Variants in TOP1 observed in about 807,000 individuals in gnomAD.
The protein encoded by TOP1 is DNA topoisomerase 1.
In TOP1, 10 loss-of-function variants were observed where a neutral mutation model predicts 111.1. That is an observed-to-expected ratio of 0.09 (90% CI 0.06 to 0.15). The LOEUF (loss-of-function observed/expected upper bound fraction) is 0.15. Ranked by LOEUF, TOP1 falls within the 10% of genes least tolerant of loss-of-function variation. TOP1 has a pLI of 1.00. For synonymous variants in TOP1, 271 were observed against 302.9 expected, an observed-to-expected ratio of 0.89 and a Z score of 1.10; for missense variants, 474 against 926.7, an observed-to-expected ratio of 0.51 and a Z score of 6.34.
At chr20:41,084,388 A>G (rs928452682) in intron 7 of TOP1, 74 bp from the exon 8 acceptor site, 6 of 836,150 alleles carry the variant, frequency 7.2e-6, no homozygotes, top group African/African-American at 6.9e-5. Context: ...TTTCTTCCTC[A>G]TGGCTCCCAA....
rs1018843694 is a variant in TOP1 at position 41,095,277 on chromosome 20, G to A, written c.731-1943G>A. 5.9e-5 allele frequency among the ~76,000 whole-genome samples: 9 copies of A among 152,254 alleles called. No individual in the cohort carries two copies. Among genetic ancestry groups the A allele is most frequent in the African/African-American group, 2.2e-4 (9 of 41,540 alleles). On this transcript the variant is annotated intron_variant, in intron 9 of 20. Coordinates refer to ENST00000361337, the MANE Select transcript of TOP1 (RefSeq NM_003286.4). The surrounding 1 kb of genome is among the most constrained non-coding windows in gnomAD (Gnocchi z 4.6). ...TTGGTCAAGCTGGTCTGGAACTCCT[G>A]ACCTGAAGTGATCCTTGCACCGCCT...
intron 2 of TOP1, among the ~76,000 whole-genome samples, chr20:41,036,920 T>C (rs1366251185): frequency 1.4e-5 from 2 of 146,400 alleles, no homozygotes; most frequent in African/African-American, 5.0e-5. Context: ...AAGCTCCGCC[T>C]CCCAGGTTCA....
chr20:41,057,985 G>A (rs1313705158), intron 2 of TOP1, among the ~76,000 whole-genome samples: 1 of 152,184 alleles, frequency 6.6e-6, no homozygotes, highest in Non-Finnish European at 1.5e-5. Flanking sequence ...AATCAACTTA[G>A]CATTTTAAAA....
chr20:41,118,181 T>A lies in TOP1; in HGVS notation c.1835T>A (p.Ile612Asn), dbSNP rs1449379408. The change falls in exon 18 of 21, where the codon ATC (isoleucine) becomes AAC (asparagine). Residue 612 changes from isoleucine to asparagine, a missense_variant. Coordinates refer to ENST00000361337, the MANE Select transcript of TOP1 (RefSeq NM_003286.4). This position sits in a 1 kb window ranked among gnomAD's most constrained non-coding sequence, Gnocchi z 4.6. ...CCTTTCTTTACAGCGGATGAGAACA[T>A]CCCAGCGAAGATCCTTTCTTATAAC... ...LKELTAPDENIPAKILSYNRA... is the reference protein window; with the variant it reads ...LKELTAPDENNPAKILSYNRA... The A allele has an allele frequency of 6.2e-7, 1 of 1,614,070 alleles. No homozygotes were observed. Among genetic ancestry groups the A allele is most frequent in the Non-Finnish European group, 8.5e-7 (1 of 1,179,934 alleles).
Position 41,067,131 on chromosome 20 carries a change from T to C in TOP1, c.155+5641T>C, listed in dbSNP as rs940537963. Among the ~76,000 whole-genome samples, 5 of 152,114 alleles carry C rather than the reference T, an allele frequency of 3.3e-5. No homozygotes were observed. Among genetic ancestry groups the C allele is most frequent in the African/African-American group, 1.2e-4 (5 of 41,420 alleles). On this transcript the variant is annotated intron_variant, in intron 3 of 20. Coordinates refer to ENST00000361337, the MANE Select transcript of TOP1 (RefSeq NM_003286.4). The surrounding 1 kb of genome is among the most constrained non-coding windows in gnomAD (Gnocchi z 4.0). ...TATTCCAGTAAAATTATTTTATTAT[T>C]TTTTTTGAGATGGAGTCTCACTTTG...
At chr20:41,087,834 C>G (rs1239709017) in intron 8 of TOP1, among the ~76,000 whole-genome samples, 4 of 152,170 alleles carry the variant, frequency 2.6e-5, no homozygotes, top group Non-Finnish European at 5.9e-5. Flanking sequence ...CCACCTTTCC[C>G]CCTTCAAGCA....
Position 41,115,552 on chromosome 20 carries a change from C to T in TOP1, c.1707+113C>T. On this transcript the variant is annotated intron_variant, in intron 16 of 20. Transcript: ENST00000361337. The surrounding 1 kb of genome is among the most constrained non-coding windows in gnomAD (Gnocchi z 6.3). ...GGCTCTCCCTTTAGCCTGGCCTGCT[C>T]TGTGGCATCCCATACACTCTCTCTT... 1.4e-6 allele frequency: 1 copy of T among 735,184 alleles called. No homozygotes were observed. Among genetic ancestry groups the T allele is most frequent in the Non-Finnish European group, 2.4e-6 (1 of 417,994 alleles). 45.5% of individuals were successfully genotyped at this position (735,184 alleles called of 1,614,324 possible). A position where few individuals can be genotyped will look rare whatever the true frequency, so the allele number is the denominator to read the frequency against.
chr20:41,112,765 G>C lies in TOP1; in HGVS notation c.1309-17G>C. On this transcript the variant is annotated splice_polypyrimidine_tract_variant and intron_variant, in intron 13 of 20. Coordinates refer to ENST00000361337, the MANE Select transcript of TOP1 (RefSeq NM_003286.4). This position sits in a 1 kb window ranked among gnomAD's most constrained non-coding sequence, Gnocchi z 5.8. ...ACTGTCCCAAAGTAATCTACATTTG[G>C]GTTTGGGTCTTTACAGGGTGAGAAG... The C allele has an allele frequency of 6.2e-7, 1 of 1,613,826 alleles. No homozygotes were observed. The highest frequency in any genetic ancestry group is 1.3e-5 in the African/African-American group (1 of 75,036).
At position 41,101,177 on chromosome 20, in the gene TOP1, A is replaced by G. The variant is rs1282202123; in HGVS notation, c.1164-32A>G. The G allele has an allele frequency of 6.2e-7, 1 of 1,612,070 alleles. No individual in the cohort carries two copies. Among genetic ancestry groups the G allele is most frequent in the African/African-American group, 1.3e-5 (1 of 74,846 alleles). ...AAGGTGAAATTATTCCTCACATCTT[A>G]TTTCACTATCCTCGTGCTCTGTTAT... On this transcript the variant is annotated intron_variant, in intron 12 of 20. Coordinates refer to ENST00000361337, the MANE Select transcript of TOP1 (RefSeq NM_003286.4). This position sits in a 1 kb window ranked among gnomAD's most constrained non-coding sequence, Gnocchi z 4.1.
rs1248202988 is a variant in TOP1 at position 41,030,573 on chromosome 20, G to A, written c.58+1118G>A. Among the ~76,000 whole-genome samples, 2 of 151,796 alleles carry A rather than the reference G, an allele frequency of 1.3e-5. No individual in the cohort carries two copies. Among genetic ancestry groups the A allele is most frequent in the Non-Finnish European group, 2.9e-5 (2 of 67,998 alleles). On this transcript the variant is annotated intron_variant, in intron 2 of 20. Transcript: ENST00000361337. This position sits in a 1 kb window ranked among gnomAD's most constrained non-coding sequence, Gnocchi z 4.1. ...ATTTCCACTTCAGTTACCCAGGGAA[G>A]AGTCCTCCAATAAAAAGCTCATCCT...
At position 41,122,621 on chromosome 20, in the gene TOP1, T is replaced by C. The variant is rs1328360839; in HGVS notation, c.2195+466T>C. Among the ~76,000 whole-genome samples the C allele has an allele frequency of 6.6e-6, 1 of 152,208 alleles. No homozygotes were observed. Among genetic ancestry groups the C allele is most frequent in the Non-Finnish European group, 1.5e-5 (1 of 68,040 alleles). On this transcript the variant is annotated intron_variant, in intron 20 of 20. Coordinates refer to ENST00000361337, the MANE Select transcript of TOP1 (RefSeq NM_003286.4). The surrounding 1 kb of genome is among the most constrained non-coding windows in gnomAD (Gnocchi z 5.4). The stretch of plus-strand genomic sequence containing the variant: ...GGGACCTTTAACAAAAGCAGATAAA[T>C]ACTAGGTTTCTCTGTGTGTCACACA...
At chr20:41,105,426 C>T (rs1254945402) in intron 13 of TOP1, among the ~76,000 whole-genome samples, 1 of 152,184 alleles carries the variant, frequency 6.6e-6, no homozygotes, top group Non-Finnish European at 1.5e-5. Flanking sequence ...TTAACCTACA[C>T]TTTTAATTAA....
At chr20:41,073,473 G>GT in intron 3 of TOP1, 1 of 985,110 alleles carries the variant, frequency 1.0e-6, no homozygotes, top group Non-Finnish European at 1.2e-6. Context: ...ATTCTAGAAA[G>GT]TTTCTCCTCG....
In TOP1 at chr20:41,094,707, C is replaced by G. The variant is rs888668414; in HGVS notation, c.730+2120C>G. Among the ~76,000 whole-genome samples the G allele has an allele frequency of 2.0e-5, 3 of 152,192 alleles. No homozygotes were observed. The highest frequency in any genetic ancestry group is 7.2e-5 in the African/African-American group (3 of 41,442). ...TATTTGACTTTACTTCAAACTGATA[C>G]AGTAAGTGCTGCCTACTCTCTGGGG... On this transcript the variant is annotated intron_variant, in intron 9 of 20. Coordinates refer to ENST00000361337, the MANE Select transcript of TOP1 (RefSeq NM_003286.4). This position sits in a 1 kb window ranked among gnomAD's most constrained non-coding sequence, Gnocchi z 4.4.
chr20:41,068,894 A>G (rs2033639340), intron 3 of TOP1, among the ~76,000 whole-genome samples: 1 of 152,216 alleles, frequency 6.6e-6, no homozygotes. Context: ...TTTAGAAAAT[A>G]AGAGAATCGT....
intron 2 of TOP1, among the ~76,000 whole-genome samples, chr20:41,049,844 T>C (rs1462653166): frequency 6.6e-6 from 1 of 152,172 alleles, no homozygotes; most frequent in African/African-American, 2.4e-5. Context: ...ATTTTTTTTT[T>C]GTTTGTTTTG....
At position 41,079,939 on chromosome 20, in the gene TOP1, A is replaced by G; in HGVS notation, c.336-146A>G. On this transcript the variant is annotated intron_variant, in intron 5 of 20. Coordinates refer to ENST00000361337, the MANE Select transcript of TOP1 (RefSeq NM_003286.4). This position sits in a 1 kb window ranked among gnomAD's most constrained non-coding sequence, Gnocchi z 4.0. Reference sequence around the variant, plus strand: ...CTACTTCACAGGATTGAAGTGAGAAAAAGTGCTCACAGAACATCTTCATGA... The same window carrying G: ...CTACTTCACAGGATTGAAGTGAGAAGAAGTGCTCACAGAACATCTTCATGA... The G allele has an allele frequency of 1.6e-6, 1 of 612,432 alleles. No individual in the cohort carries two copies. The highest frequency in any genetic ancestry group is 2.9e-6 in the Non-Finnish European group (1 of 343,664). 37.9% of individuals were successfully genotyped at this position (612,432 alleles called of 1,614,324 possible). A position where few individuals can be genotyped will look rare whatever the true frequency, so the allele number is the denominator to read the frequency against.
chr20:41,098,381 G>T lies in TOP1; in HGVS notation c.975+44G>T, dbSNP rs1371077751. On this transcript the variant is annotated intron_variant, in intron 11 of 20. Coordinates refer to ENST00000361337, the MANE Select transcript of TOP1 (RefSeq NM_003286.4). This position sits in a 1 kb window ranked among gnomAD's most constrained non-coding sequence, Gnocchi z 5.7. The stretch of plus-strand genomic sequence containing the variant: ...AACCTCTGGAGAATTCTGGAATTGT[G>T]ATTGGTTCATTTAACTTTCTTCTTG... 2.5e-6 allele frequency: 4 copies of T among 1,592,702 alleles called. No homozygotes were observed.
At position 41,121,896 on chromosome 20, in the gene TOP1, T is replaced by C. The variant is rs912152846; in HGVS notation, c.2045+106T>C. On this transcript the variant is annotated intron_variant, in intron 19 of 20. Transcript: ENST00000361337. The surrounding 1 kb of genome is among the most constrained non-coding windows in gnomAD (Gnocchi z 4.2). Reference sequence around the variant, plus strand: ...TTCGATGGTTTCTGAGAAATGTCTTTTGGAAATCTCTATACTAGGGCTTTT... The same window carrying C: ...TTCGATGGTTTCTGAGAAATGTCTTCTGGAAATCTCTATACTAGGGCTTTT... The C allele has an allele frequency of 1.9e-6, 3 of 1,558,046 alleles. No homozygotes were observed. Among genetic ancestry groups the C allele is most frequent in the East Asian group, 2.2e-5 (1 of 44,584 alleles).
Sources: gnomAD v4.1 joint callset for allele counts (sites outside exome capture counted in the v4.1 genomes callset) on GRCh38, gnomAD v4.1.1 for gene constraint, Gnocchi (gnomAD v3.1) non-coding constraint, MANE v1.5 for transcripts, NCBI Gene and HGNC (gene_info 2026-07-23, HGNC 2026-07-21) for gene names.